The following KSR1 variants were observed in gnomAD, a reference collection of about 807,000 sequenced individuals.
KSR1 encodes the protein kinase suppressor of ras.
Under a neutral mutation model 92.9 loss-of-function variants are expected in KSR1, and 35 were observed. That is an observed-to-expected ratio of 0.38 (90% CI 0.29 to 0.50). KSR1 has a LOEUF of 0.50. Among genes scored for constraint, KSR1 ranks in the 20% least tolerant of loss-of-function variants. The pLI is 0.94. For synonymous variants in KSR1, 467 were observed against 472.6 expected (o/e 0.99, Z 0.15); for missense variants, 972 against 1,158.5 (o/e 0.84, Z 2.34).
chr17:27,579,165 C>T, intron 3 of KSR1: 1 of 152,488 alleles, frequency 6.6e-6, no homozygotes, highest in Non-Finnish European at 1.5e-5. Flanking sequence ...CTGCCCAGTG[C>T]TGGCTGCACT....
intron 11 of KSR1, among the ~76,000 whole-genome samples, chr17:27,603,535 C>T (rs900822162): frequency 6.6e-6 from 1 of 152,186 alleles, no homozygotes; most frequent in African/African-American, 2.4e-5. Context: ...GCCACAGGGG[C>T]GTGGTGGTAA....
In KSR1 at chr17:27,563,089, T is replaced by C. The variant is rs149341208; in HGVS notation, c.372+12381T>C. ...GTCTCAAGTCCTTTTGCATCTCTTT[T>C]CCATCACTGCCACCTCCCTGGTCCT... On this transcript the variant is annotated intron_variant, in intron 2 of 20. Transcript: ENST00000644974. Among the ~76,000 whole-genome samples, 196 of 152,328 alleles carry C rather than the reference T, an allele frequency of 1.3e-3. 1 individual carries two copies. Among genetic ancestry groups the C allele is most frequent in the African/African-American group, 4.5e-3 (187 of 41,568 alleles).
intron 4 of KSR1, among the ~76,000 whole-genome samples, chr17:27,584,724 A>T (rs2072903574): frequency 6.6e-6 from 1 of 152,138 alleles, no homozygotes; most frequent in Non-Finnish European, 1.5e-5. Flanking sequence ...GAGCTACCAG[A>T]ACCAGCACTG....
chr17:27,530,859 T>G (rs1465276452), intron 1 of KSR1, among the ~76,000 whole-genome samples: 1 of 152,240 alleles, frequency 6.6e-6, no homozygotes, highest in African/African-American at 2.4e-5. Flanking sequence ...CCATCCATCA[T>G]GTAGATTTTT....
At chr17:27,541,324 A>G (rs1311689401) in intron 1 of KSR1, among the ~76,000 whole-genome samples, 1 of 152,248 alleles carries the variant, frequency 6.6e-6, no homozygotes, top group Non-Finnish European at 1.5e-5. Context: ...TCTGTAAAGC[A>G]TACTAGGATC....
intron 1 of KSR1, among the ~76,000 whole-genome samples, chr17:27,457,236 T>C (rs1348099620): frequency 6.6e-6 from 1 of 152,062 alleles, no homozygotes; most frequent in African/African-American, 2.4e-5. Context: ...CCCGTGTGAC[T>C]GAGCCGAGCA....
intron 1 of KSR1, among the ~76,000 whole-genome samples, chr17:27,523,891 G>C (rs974894153): frequency 2.6e-5 from 4 of 152,160 alleles, no homozygotes; most frequent in Admixed American, 2.6e-4. Flanking sequence ...CATTGGCCAG[G>C]TATTAGTCAC....
chr17:27,604,608 C>T (rs1483021644), intron 12 of KSR1, 72 bp from the exon 13 acceptor site: 14 of 1,459,520 alleles, frequency 9.6e-6, no homozygotes, highest in African/African-American at 4.2e-5. Flanking sequence ...AGATCTCTCC[C>T]GGGAGTCCCC....
At chr17:27,601,450 C>A (rs776376453) in intron 11 of KSR1, 49 bp downstream of exon 11, 3 of 1,540,290 alleles carry the variant, frequency 1.9e-6, no homozygotes, top group South Asian at 2.2e-5. Flanking sequence ...GTGACCCCTT[C>A]TGTCCTGCCC....
intron 1 of KSR1, among the ~76,000 whole-genome samples, chr17:27,529,940 G>A (rs902455753): frequency 6.6e-6 from 1 of 152,174 alleles, no homozygotes; most frequent in African/African-American, 2.4e-5. Flanking sequence ...GGTAGGAGAT[G>A]GGTCATTCAT....
chr17:27,601,832 A>G (rs1022207387), intron 11 of KSR1: 17 of 1,255,658 alleles, frequency 1.4e-5, no homozygotes, highest in Non-Finnish European at 1.9e-5. Context: ...GTAGAAACCC[A>G]TTTGGGAAGG....
intron 1 of KSR1, among the ~76,000 whole-genome samples, chr17:27,515,623 T>G (rs937957746): frequency 2.0e-5 from 3 of 151,476 alleles, no homozygotes; most frequent in African/African-American, 7.3e-5. Context: ...TTTTTTTTTT[T>G]TTTTTTTTTC....
intron 1 of KSR1, among the ~76,000 whole-genome samples, chr17:27,489,741 T>A (rs778919535): frequency 1.6e-4 from 24 of 147,384 alleles, no homozygotes; most frequent in Non-Finnish European, 2.9e-4. Flanking sequence ...CACTGCCTCC[T>A]CATTCAGGTG....
At chr17:27,532,492 G>A (rs1341493724) in intron 1 of KSR1, among the ~76,000 whole-genome samples, 5 of 152,216 alleles carry the variant, frequency 3.3e-5, no homozygotes, top group Non-Finnish European at 7.3e-5. Flanking sequence ...TTGTGTGAGC[G>A]AAATCGGGTC....
intron 6 of KSR1, among the ~76,000 whole-genome samples, chr17:27,590,348 G>A (rs1238769223): frequency 4.6e-5 from 7 of 152,204 alleles, no homozygotes; most frequent in African/African-American, 1.4e-4. Flanking sequence ...TTGCTGCATA[G>A]TATTCCATCG....
intron 1 of KSR1, among the ~76,000 whole-genome samples, chr17:27,460,042 G>T (rs1251608623): frequency 1.3e-5 from 2 of 152,140 alleles, no homozygotes; most frequent in Non-Finnish European, 2.9e-5. Flanking sequence ...GGCACAATTT[G>T]AAACCAGGGT....
At chr17:27,622,448 CTG>C (rs2074250913) in intron 20 of KSR1, 1 of 158,170 alleles carries the variant, frequency 6.3e-6, no homozygotes, top group South Asian at 1.9e-4. Context: ...CAGAGCTGCC[CTG>C]AGGCTGGCAC....
rs138828625 is a variant in KSR1, at chr17:27,538,820, G to C, written c.232-11748G>C. 5.1e-3 allele frequency among the ~76,000 whole-genome samples: 779 copies of C among 152,296 alleles called. 7 individuals carry two copies. Among genetic ancestry groups the C allele is most frequent in the African/African-American group, 0.017 (717 of 41,550 alleles). On this transcript the variant is annotated intron_variant, in intron 1 of 20. Coordinates refer to ENST00000644974, the MANE Select transcript of KSR1 (RefSeq NM_001394583.1). ...GTTCACAATGCATTCATTGATCCCTGGTGTCTGGGGCACTCATCTGTCATT... is the reference window on the plus strand; with the variant it reads ...GTTCACAATGCATTCATTGATCCCTCGTGTCTGGGGCACTCATCTGTCATT...
At chr17:27,479,437 A>T (rs1357206658) in intron 1 of KSR1, among the ~76,000 whole-genome samples, 1 of 152,170 alleles carries the variant, frequency 6.6e-6, no homozygotes, top group Non-Finnish European at 1.5e-5. Flanking sequence ...TCGCTGCAGC[A>T]TCCCAGGTTG....
Sources: gnomAD v4.1 joint callset for allele counts (sites outside exome capture counted in the v4.1 genomes callset) on GRCh38, gnomAD v4.1.1 for gene constraint, MANE v1.5 for transcripts, NCBI Gene and HGNC (gene_info 2026-07-23, HGNC 2026-07-21) for gene names.